Variants in SEC61A1 observed in about 807,000 individuals in gnomAD.
SEC61A1 encodes protein transport protein Sec61 subunit alpha isoform 1.
A neutral mutation model predicts 55.2 loss-of-function variants in SEC61A1; 15 were observed. The ratio of observed to expected loss-of-function variants is 0.27; its 90% CI spans 0.18 to 0.42. SEC61A1 has a LOEUF of 0.42. SEC61A1 is among the 10% of genes least tolerant of loss of function. The probability of loss-of-function intolerance (pLI) is 1.00; values close to 1 mark genes in which losing one functional copy is unlikely to be tolerated. For missense variants in SEC61A1, 284 were observed against 602.6 expected, an observed-to-expected ratio of 0.47 and a Z score of 5.53; for synonymous variants, 247 against 234.0, an observed-to-expected ratio of 1.06 and a Z score of -0.51.
At chr3:128,057,695 TA>T (rs71153113) in intron 5 of SEC61A1, among the ~76,000 whole-genome samples, 151,842 of 151,900 alleles carry the variant, frequency 1, 75,892 homozygotes, top group Middle Eastern at 1. Context: ...CCATCTCTAC[TA>T]AAAAAATACA....
intron 7 of SEC61A1, among the ~76,000 whole-genome samples, chr3:128,061,297 T>G (rs1941847715): frequency 6.6e-6 from 1 of 152,222 alleles, no homozygotes; most frequent in Admixed American, 6.5e-5. Context: ...TATCAAACAT[T>G]GGCATGCTGT....
chr3:128,067,761 G>A lies in SEC61A1; in HGVS notation c.1167+149G>A. 1.5e-6 allele frequency: 1 copy of A among 687,062 alleles called. No homozygotes were observed. 42.6% of individuals were successfully genotyped at this position (687,062 alleles called of 1,614,324 possible). A position where few individuals can be genotyped will look rare whatever the true frequency, so the allele number is the denominator to read the frequency against. The stretch of plus-strand genomic sequence containing the variant: ...GGGCAGTTCAGAAGCTTTAAGGGCT[G>A]ACAGATGGAGTCCAGCAGTAGATCA... On this transcript the variant is annotated intron_variant, in intron 10 of 11. Coordinates refer to ENST00000243253, the MANE Select transcript of SEC61A1 (RefSeq NM_013336.4). The surrounding 1 kb of genome is among the most constrained non-coding windows in gnomAD (Gnocchi z 4.1).
intron 1 of SEC61A1, 112 bp downstream of exon 1, chr3:128,052,671 C>T: frequency 1.3e-6 from 2 of 1,530,854 alleles, no homozygotes; most frequent in East Asian, 2.4e-5. Context: ...CTGCAGAACG[C>T]GGCCCGTGCC....
At chr3:128,060,067 C>T in intron 5 of SEC61A1, 35 bp from the exon 6 acceptor site, 1 of 1,471,058 alleles carries the variant, frequency 6.8e-7, no homozygotes, top group Non-Finnish European at 9.5e-7. Context: ...TGTGTAGTGA[C>T]CCACTTGGAA....
chr3:128,052,013 G>C, upstream of SEC61A1: 11 of 884,344 alleles, frequency 1.2e-5, no homozygotes, highest in Non-Finnish European at 1.8e-5. Flanking sequence ...GCTCCAGGGA[G>C]CTTACGGTCT....
chr3:128,055,668 C>T lies in SEC61A1; in HGVS notation c.142-5C>T, dbSNP rs1941760152. 1 of 1,613,812 alleles carries T rather than the reference C, an allele frequency of 6.2e-7. No homozygotes were observed. The highest frequency in any genetic ancestry group is 1.1e-5 in the South Asian group (1 of 91,078). ...CTGACTGTTTTGCTCTTTGCCTGTTCCCAGATTCCCCTGTTTGGGATCATG... is the reference window on the plus strand; with the variant it reads ...CTGACTGTTTTGCTCTTTGCCTGTTTCCAGATTCCCCTGTTTGGGATCATG... On this transcript the variant is annotated splice_region_variant and splice_polypyrimidine_tract_variant and intron_variant, in intron 3 of 11. Transcript: ENST00000243253.
intron 11 of SEC61A1, among the ~76,000 whole-genome samples, chr3:128,068,364 C>T (rs1315001965): frequency 5.9e-5 from 9 of 152,178 alleles, no homozygotes; most frequent in South Asian, 2.1e-4. Context: ...TGACTGGCAG[C>T]GGGACCCTCA....
chr3:128,065,732 A>ATTTTTTTTTT (rs758640768), intron 8 of SEC61A1, among the ~76,000 whole-genome samples: 10 of 97,528 alleles, frequency 1.0e-4, no homozygotes, highest in Non-Finnish European at 1.3e-4. Flanking sequence ...ATCATTAAGA[A>ATTTTTTTTTT]TTTTTTTTTT....
chr3:128,063,651 A>T (rs1353390820), intron 7 of SEC61A1, among the ~76,000 whole-genome samples: 2 of 152,074 alleles, frequency 1.3e-5, no homozygotes, highest in African/African-American at 4.8e-5. Flanking sequence ...TGACTTTTTT[A>T]AAAGTGCTCC....
intron 2 of SEC61A1, among the ~76,000 whole-genome samples, chr3:128,054,897 C>T (rs1484664689): frequency 6.6e-6 from 1 of 152,166 alleles, no homozygotes; most frequent in African/African-American, 2.4e-5. Flanking sequence ...TGATTCTTGT[C>T]ACCTATGCAA....
intron 5 of SEC61A1, among the ~76,000 whole-genome samples, chr3:128,059,149 G>A (rs1941818262): frequency 6.6e-6 from 1 of 152,108 alleles, no homozygotes; most frequent in Non-Finnish European, 1.5e-5. Flanking sequence ...CAGTGAAATA[G>A]AGTGAGTTGT....
At chr3:128,061,965 G>T (rs1199787502) in intron 7 of SEC61A1, among the ~76,000 whole-genome samples, 1 of 152,206 alleles carries the variant, frequency 6.6e-6, no homozygotes, top group Non-Finnish European at 1.5e-5. Context: ...TGGAAGAAGT[G>T]ATTTGCTCTG....
Position 128,060,619 on chromosome 3 carries a change from G to T in SEC61A1, c.574G>T (p.Val192Leu). Residue 192 changes from valine (V) to leucine (L), a missense_variant, in exon 7 of 12, where the codon GTA becomes TTA. Val to Leu is a conservative substitution (Grantham distance 32). Coordinates refer to ENST00000243253, the MANE Select transcript of SEC61A1 (RefSeq NM_013336.4). ...FIATNICETI[V>L]WKAFSPTTVN... ...TGCAACTAACATCTGTGAAACCATC[G>T]TATGGAAGGCATTCAGCCCCACTAC... The T allele has an allele frequency of 1.9e-6, 3 of 1,614,138 alleles. No individual in the cohort carries two copies. Among genetic ancestry groups the T allele is most frequent in the Non-Finnish European group, 2.5e-6 (3 of 1,180,034 alleles).
In SEC61A1 at chr3:128,068,011, T is replaced by C. The variant is rs1164727761; in HGVS notation, c.1196T>C (p.Met399Thr). 2 of 1,611,500 alleles carry C rather than the reference T, an allele frequency of 1.2e-6. No individual in the cohort carries two copies. Among genetic ancestry groups the C allele is most frequent in the Non-Finnish European group, 1.7e-6 (2 of 1,178,978 alleles). The stretch of plus-strand genomic sequence containing the variant: ...GCAAAGCAGCTGAAGGAGCAGCAGA[T>C]GGTGATGAGAGGCCACCGAGAGACC... ...DVAKQLKEQQ[M>T]VMRGHRETSM... Residue 399 changes from methionine to threonine, a missense_variant, in exon 11 of 12, where the codon ATG becomes ACG. Transcript: ENST00000243253.
Position 128,071,556 on chromosome 3 carries a change from G to A in SEC61A1, c.*1894G>A, listed in dbSNP as rs1942168481. 6.5e-6 allele frequency: 1 copy of A among 152,732 alleles called. No individual in the cohort carries two copies. Among genetic ancestry groups the A allele is most frequent in the Non-Finnish European group, 1.5e-5 (1 of 68,088 alleles). 9.5% of individuals were successfully genotyped at this position (152,732 alleles called of 1,614,324 possible). On this transcript the variant is annotated 3_prime_UTR_variant, in exon 12 of 12. Coordinates refer to ENST00000243253, the MANE Select transcript of SEC61A1 (RefSeq NM_013336.4). The stretch of plus-strand genomic sequence containing the variant: ...TGCAAGGCCCACACTCACGCCCTGT[G>A]GGTGATGGTCACGGTGGGTGGGTGG...
At chr3:128,053,837 A>C (rs1941728687) in intron 2 of SEC61A1, among the ~76,000 whole-genome samples, 1 of 152,238 alleles carries the variant, frequency 6.6e-6, no homozygotes, top group Non-Finnish European at 1.5e-5. Context: ...AGACGGAACA[A>C]GGGAAATACG....
intron 7 of SEC61A1, among the ~76,000 whole-genome samples, chr3:128,061,377 G>A (rs1278686653): frequency 1.3e-5 from 2 of 152,322 alleles, no homozygotes; most frequent in East Asian, 3.9e-4. Flanking sequence ...AAACATACAA[G>A]GGAAGCCTTA....
intron 8 of SEC61A1, among the ~76,000 whole-genome samples, chr3:128,066,007 G>A (rs989951164): frequency 6.6e-6 from 1 of 152,112 alleles, no homozygotes; most frequent in East Asian, 1.9e-4. Context: ...ATTACAAAGC[G>A]CTGGGATTAC....
chr3:128,053,246 C>T (rs1021055452), intron 2 of SEC61A1, among the ~76,000 whole-genome samples: 7 of 152,150 alleles, frequency 4.6e-5, no homozygotes, highest in African/African-American at 1.4e-4. Context: ...TCACCTCCAA[C>T]GGGAGCAGAT....
Sources: gnomAD v4.1 joint callset for allele counts (sites outside exome capture counted in the v4.1 genomes callset) on GRCh38, gnomAD v4.1.1 for gene constraint, Gnocchi (gnomAD v3.1) non-coding constraint, MANE v1.5 for transcripts, NCBI Gene and HGNC (gene_info 2026-07-23, HGNC 2026-07-21) for gene names.